Variants in PCSK7 observed in about 807,000 individuals in gnomAD.
PCSK7 encodes the protein lymphoma proprotein convertase.
PCSK7 carries 38 observed loss-of-function variants against 73.3 expected under a neutral mutation model. The ratio of observed to expected loss-of-function variants is 0.52; its 90% CI spans 0.40 to 0.68. The LOEUF (loss-of-function observed/expected upper bound fraction) is 0.68. Among genes scored for constraint, PCSK7 ranks in the 30% least tolerant of loss-of-function variants. The probability of loss-of-function intolerance (pLI) is 0.00; values close to 1 mark genes in which losing one functional copy is unlikely to be tolerated. For synonymous variants in PCSK7, 296 were observed against 383.8 expected (o/e 0.77, Z 2.68); for missense variants, 692 against 991.5 (o/e 0.70, Z 4.06).
At position 117,223,882 on chromosome 11, in the gene PCSK7, G is replaced by A. The variant is rs1319341290; in HGVS notation, c.1054+196C>T. Reference sequence around the variant, plus strand: ...GGCAGCTCGGTGATCTCCAGATGATGGCTTGAAGGTGTTCCCAGGGTATGC... The same window carrying A: ...GGCAGCTCGGTGATCTCCAGATGATAGCTTGAAGGTGTTCCCAGGGTATGC... On this transcript the variant is annotated intron_variant, in intron 8 of 16. Transcript: ENST00000320934. 3 of 589,638 alleles carry A rather than the reference G, an allele frequency of 5.1e-6. No homozygotes were observed. In the Admixed American group the frequency reaches 8.9e-5, roughly 17 times the overall value. 36.5% of individuals were successfully genotyped at this position (589,638 alleles called of 1,614,324 possible).
At chr11:117,215,372 G>GTA (rs1342453814) in intron 12 of PCSK7, 13 of 79,386 alleles carry the variant, frequency 1.6e-4, no homozygotes, top group South Asian at 1.4e-3. Flanking sequence ...ATTTGTGTGT[G>GTA]TGTGTGTGTA....
intron 12 of PCSK7, chr11:117,215,364 T>TTGTGTGTGTGTGTG (rs778828914): frequency 7.1e-5 from 6 of 84,900 alleles, no homozygotes; most frequent in South Asian, 6.2e-4. Flanking sequence ...CCTGGCTAAT[T>TTGTGTGTGTGTGTG]TGTGTGTGTG....
chr11:117,209,847 G>GA (rs60347105), intron 12 of PCSK7: 4,472 of 136,720 alleles, frequency 0.033, 84 homozygotes, highest in South Asian at 0.11. Flanking sequence ...CTGTCTCAAA[G>GA]AAAAAAAAAA....
intron 12 of PCSK7, chr11:117,213,170 C>T (rs1352856330): frequency 3.3e-5 from 5 of 152,188 alleles, no homozygotes; most frequent in African/African-American, 9.7e-5. Flanking sequence ...GTTGTAAGCT[C>T]GTTGAAGGCA....
intron 6 of PCSK7, chr11:117,225,506 G>C: frequency 5.1e-6 from 1 of 196,400 alleles, no homozygotes; most frequent in Admixed American, 5.2e-5. Context: ...GTCGGGGGAG[G>C]AACAGGTGCC....
rs537018250 is a variant in PCSK7 at position 117,205,628 on chromosome 11, C to T, written c.*369G>A. 9.6e-5 allele frequency: 24 copies of T among 251,184 alleles called. No individual in the cohort carries two copies. Among genetic ancestry groups the T allele is most frequent in the African/African-American group, 4.1e-4 (19 of 46,118 alleles). The allele number at this position is 251,184 out of a possible 1,614,324, so 15.6% of individuals were successfully genotyped here. On this transcript the variant is annotated 3_prime_UTR_variant, in exon 17 of 17. Coordinates refer to ENST00000320934, the MANE Select transcript of PCSK7 (RefSeq NM_004716.4). ...CCCCAGTGATGTTTCCATTGAGATG[C>T]GCTCCTGGCTATGGCAGGCACCTTC...
intron 12 of PCSK7, chr11:117,214,643 A>G (rs962986809): frequency 1.3e-5 from 2 of 152,248 alleles, no homozygotes; most frequent in Admixed American, 1.3e-4. Context: ...AAGGGGCACT[A>G]TGAGTAAGAA....
chr11:117,227,401 A>T (rs898583478), intron 4 of PCSK7, 79 bp from the exon 5 acceptor site: 44 of 1,101,372 alleles, frequency 4.0e-5, no homozygotes, highest in Non-Finnish European at 5.3e-5. Flanking sequence ...ACAGAAAGGA[A>T]ATGGGAGTTT....
chr11:117,225,437 ATT>A (rs929194447), intron 6 of PCSK7: 1 of 163,024 alleles, frequency 6.1e-6, no homozygotes, highest in African/African-American at 2.4e-5. Context: ...GGAGTTCTCT[ATT>A]CTGTCTCTAT....
At chr11:117,224,994 T>C (rs140122921) in intron 6 of PCSK7, 352 of 500,790 alleles carry the variant, frequency 7.0e-4, no homozygotes, top group African/African-American at 6.1e-3. Flanking sequence ...CCATAGCCCA[T>C]AGTGGCAGAG....
chr11:117,205,771 CCTT>C lies in PCSK7; in HGVS notation c.*223_*225del, dbSNP rs2031335005. 6.9e-6 allele frequency: 3 copies of C among 437,542 alleles called. No homozygotes were observed. The highest frequency in any genetic ancestry group is 8.1e-6 in the Non-Finnish European group (2 of 246,508). The allele number at this position is 437,542 out of a possible 1,614,324, so 27.1% of individuals were successfully genotyped here. ...GGGGGCGCCAATCCCCTGTCCAACA[CCTT>C]CTCACCAAAAGCTCCCGTTTGGCTG... On this transcript the variant is annotated 3_prime_UTR_variant, in exon 17 of 17. Transcript: ENST00000320934.
intron 9 of PCSK7, 72 bp downstream of exon 9, chr11:117,223,136 A>G: frequency 1.1e-6 from 1 of 880,610 alleles, no homozygotes; most frequent in East Asian, 2.4e-5. Context: ...AACAGTGAGA[A>G]GCGCTGTGAT....
At chr11:117,227,404 G>T (rs995495872) in intron 4 of PCSK7, 82 bp from the exon 5 acceptor site, 1 of 1,040,632 alleles carries the variant, frequency 9.6e-7, no homozygotes, top group Non-Finnish European at 1.5e-6. Flanking sequence ...GAAAGGAAAT[G>T]GGAGTTTGGG....
chr11:117,224,938 G>A (rs2032355560), intron 6 of PCSK7, 183 bp from the exon 7 acceptor site: 4 of 603,316 alleles, frequency 6.6e-6, no homozygotes, highest in Admixed American at 2.9e-5. Flanking sequence ...TCTCCAAAGT[G>A]GAAAACAGAA....
At position 117,218,776 on chromosome 11, in the gene PCSK7, G is replaced by A. The variant is rs1237145907; in HGVS notation, c.1432-208C>T. 1.8e-6 allele frequency: 1 copy of A among 567,814 alleles called. No homozygotes were observed. The highest frequency in any genetic ancestry group is 2.9e-5 in the East Asian group (1 of 34,628). 35.2% of individuals were successfully genotyped at this position (567,814 alleles called of 1,614,324 possible). A position where few individuals can be genotyped will look rare whatever the true frequency, so the allele number is the denominator to read the frequency against. On this transcript the variant is annotated intron_variant, in intron 11 of 16. Coordinates refer to ENST00000320934, the MANE Select transcript of PCSK7 (RefSeq NM_004716.4). This position sits in a 1 kb window ranked among gnomAD's most constrained non-coding sequence, Gnocchi z 4.0. ...CCCAGCTAAGGAACCAGAGGAAACA[G>A]CTGTGTCCAGGGTGGAGGAGGGGAA...
chr11:117,226,350 G>C (rs1317400977), intron 5 of PCSK7: 1 of 296,986 alleles, frequency 3.4e-6, no homozygotes, highest in Non-Finnish European at 6.6e-6. Context: ...TGGTCAGGCT[G>C]GTCTCGAACT....
At chr11:117,219,375 G>A in intron 10 of PCSK7, 1 of 633,054 alleles carries the variant, frequency 1.6e-6, no homozygotes, top group Non-Finnish European at 2.7e-6. Context: ...AAGGGGCCAG[G>A]AGGCACAGCC....
In PCSK7 at chr11:117,222,049, C is replaced by G. The variant is rs371337607; in HGVS notation, c.1155+1159G>C. The G allele has an allele frequency of 1.6e-4, 24 of 152,328 alleles. No individual in the cohort carries two copies. In the South Asian group the frequency reaches 2.3e-3, roughly 14 times the overall value. The allele number at this position is 152,328 out of a possible 1,614,324, so 9.4% of individuals were successfully genotyped here. On this transcript the variant is annotated intron_variant, in intron 9 of 16. Transcript: ENST00000320934. ...GTTTTGGAAAATAAATTTGACCCAG[C>G]AGGAAGACAAAGCAGCCTAATTCCC...
chr11:117,225,038 A>T, intron 6 of PCSK7: 1 of 290,710 alleles, frequency 3.4e-6, no homozygotes, highest in East Asian at 5.9e-5. Flanking sequence ...TGATCTAGGG[A>T]TCAGAGACAT....
Sources: allele counts gnomAD v4.1 joint callset, GRCh38; gene constraint gnomAD v4.1.1; non-coding constraint Gnocchi (gnomAD v3.1); transcripts MANE v1.5; gene names NCBI Gene and HGNC (gene_info 2026-07-23, HGNC 2026-07-21).